The following LPP variants were observed in gnomAD, a reference collection of about 807,000 sequenced individuals.
LPP encodes LIM domain containing preferred translocation partner in lipoma, also known as lipoma-preferred partner.
LPP carries 38 observed loss-of-function variants against 60.4 expected under a neutral mutation model. The observed-to-expected ratio is 0.63, with a 90% confidence interval of 0.49 to 0.83. LPP has a LOEUF of 0.83. LPP is among the 40% of genes least tolerant of loss of function. LPP has a pLI of 0.00. For missense variants in LPP, 902 were observed against 783.6 expected (o/e 1.15, Z -1.80); for synonymous variants, 328 against 290.8 (o/e 1.13, Z -1.30).
At chr3:188,717,865 T>G (rs984864136) in intron 8 of LPP, among the ~76,000 whole-genome samples, 2 of 152,260 alleles carry the variant, frequency 1.3e-5, no homozygotes, top group Non-Finnish European at 1.5e-5. Context: ...TTGACCAGGC[T>G]GGAGTGCAAT....
intron 7 of LPP, among the ~76,000 whole-genome samples, chr3:188,655,265 C>T (rs1401368872): frequency 6.6e-6 from 1 of 151,980 alleles, no homozygotes; most frequent in African/African-American, 2.4e-5. Flanking sequence ...TAAAAAAGTG[C>T]CCAGAAGGGA....
rs1218020338 is a variant in LPP, at chr3:188,467,505, C to T, written c.194-17087C>T. On this transcript the variant is annotated intron_variant, in intron 4 of 11. Coordinates refer to ENST00000617246, the MANE Select transcript of LPP (RefSeq NM_001375462.1). ...GAATAATAGCCCTCAAAGTTGTCCACGTCTTAATCTCTGGAACATGTGAAT... is the reference window on the plus strand; with the variant it reads ...GAATAATAGCCCTCAAAGTTGTCCATGTCTTAATCTCTGGAACATGTGAAT... Among the ~76,000 whole-genome samples, 3 of 152,012 alleles carry T rather than the reference C, an allele frequency of 2.0e-5. No individual in the cohort carries two copies. In the South Asian group the frequency reaches 6.2e-4, roughly 31 times the overall value.
intron 3 of LPP, among the ~76,000 whole-genome samples, chr3:188,358,287 C>G (rs1007042196): frequency 6.6e-6 from 1 of 152,200 alleles, no homozygotes; most frequent in Admixed American, 6.5e-5. Flanking sequence ...AGCAGCTTCT[C>G]TCTTAACTAC....
intron 6 of LPP, among the ~76,000 whole-genome samples, chr3:188,528,112 G>A (rs1389090595): frequency 6.6e-6 from 1 of 152,148 alleles, no homozygotes; most frequent in Non-Finnish European, 1.5e-5. Flanking sequence ...CAGATAAAAT[G>A]TGAGCATAGA....
intron 7 of LPP, among the ~76,000 whole-genome samples, chr3:188,616,077 T>G (rs1844793038): frequency 6.6e-6 from 1 of 152,146 alleles, no homozygotes; most frequent in South Asian, 2.1e-4. Context: ...CAAAAGCTCT[T>G]TAGTTTAGTT....
intron 2 of LPP, among the ~76,000 whole-genome samples, chr3:188,290,092 C>T (rs1745430994): frequency 6.6e-6 from 1 of 152,024 alleles, no homozygotes; most frequent in Non-Finnish European, 1.5e-5. Context: ...CCTTCCTCAG[C>T]CTCCCGAGTA....
Position 188,559,617 on chromosome 3 carries a change from C to T in LPP, c.429+34830C>T, listed in dbSNP as rs763082119. On this transcript the variant is annotated intron_variant, in intron 6 of 11. Coordinates refer to ENST00000617246, the MANE Select transcript of LPP (RefSeq NM_001375462.1). ...GTAGAGTCAATAGTTTCACTCAAGG[C>T]AGGAAGACAAGACCTGATGTTAGCC... Among the ~76,000 whole-genome samples, 168 of 152,116 alleles carry T rather than the reference C, an allele frequency of 1.1e-3. 2 individuals carry two copies. The highest frequency in any genetic ancestry group is 1.7e-3 in the Non-Finnish European group (114 of 67,988).
chr3:188,181,136 C>T (rs142784921), intron 1 of LPP, among the ~76,000 whole-genome samples: 2 of 152,056 alleles, frequency 1.3e-5, no homozygotes, highest in East Asian at 3.9e-4. Flanking sequence ...GGGCGGATCA[C>T]GAGGTCAGGG....
chr3:188,508,828 A>T (rs1814338604), intron 5 of LPP, among the ~76,000 whole-genome samples: 2 of 152,218 alleles, frequency 1.3e-5, no homozygotes, highest in Admixed American at 1.3e-4. Flanking sequence ...TGGGATTTTA[A>T]TTAAATTGTT....
rs566021628 is a variant in LPP, at chr3:188,375,519, T to G, written c.-9-30593T>G. ...AAGAGGTGTTTGTAGTACTCTCTGATGGTAGTTTGTATTTCTGTGGGATTG... is the reference window on the plus strand; with the variant it reads ...AAGAGGTGTTTGTAGTACTCTCTGAGGGTAGTTTGTATTTCTGTGGGATTG... On this transcript the variant is annotated intron_variant, in intron 3 of 11. Transcript: ENST00000617246. Among the ~76,000 whole-genome samples the G allele has an allele frequency of 2.0e-5, 3 of 152,330 alleles. No homozygotes were observed. The South Asian group carries it at 6.2e-4, about 32-fold the overall frequency.
intron 9 of LPP, among the ~76,000 whole-genome samples, chr3:188,788,065 C>G (rs1474687819): frequency 6.6e-6 from 1 of 152,216 alleles, no homozygotes; most frequent in Non-Finnish European, 1.5e-5. Flanking sequence ...CAGGAGCTGG[C>G]CTGTATCCTT....
intron 9 of LPP, among the ~76,000 whole-genome samples, chr3:188,794,814 G>A (rs1744847550): frequency 1.3e-5 from 2 of 152,084 alleles, no homozygotes; most frequent in African/African-American, 4.8e-5. Context: ...AAACCATGGA[G>A]CAGTAGGAAT....
chr3:188,511,526 G>T (rs781484037), intron 5 of LPP, among the ~76,000 whole-genome samples: 8 of 151,818 alleles, frequency 5.3e-5, no homozygotes, highest in Non-Finnish European at 7.4e-5. Context: ...TATAATCTCT[G>T]CTTGGTGTTA....
At chr3:188,582,135 G>A (rs1437729852) in intron 6 of LPP, among the ~76,000 whole-genome samples, 1 of 139,534 alleles carries the variant, frequency 7.2e-6, no homozygotes, top group East Asian at 2.1e-4. Context: ...CTTGAATGTC[G>A]TTTTACCTTT....
At chr3:188,746,253 C>G (rs913201979) in intron 8 of LPP, among the ~76,000 whole-genome samples, 9 of 152,112 alleles carry the variant, frequency 5.9e-5, no homozygotes, top group Non-Finnish European at 1.2e-4. Flanking sequence ...TCTCTAGTCC[C>G]TTAATCATTT....
chr3:188,264,960 A>C (rs1352192805), intron 2 of LPP, among the ~76,000 whole-genome samples: 5 of 152,166 alleles, frequency 3.3e-5, no homozygotes, highest in Non-Finnish European at 7.4e-5. Context: ...TCTTAGATTT[A>C]TTTACCTGAT....
intron 4 of LPP, among the ~76,000 whole-genome samples, chr3:188,430,237 A>G (rs1790551531): frequency 6.6e-6 from 1 of 152,212 alleles, no homozygotes; most frequent in Admixed American, 6.5e-5. Flanking sequence ...ACTAGAGTTC[A>G]GAATGAGTAA....
chr3:188,868,357 G>A (rs1767202257), intron 10 of LPP, among the ~76,000 whole-genome samples: 1 of 152,258 alleles, frequency 6.6e-6, no homozygotes, highest in Non-Finnish European at 1.5e-5. Context: ...ATGTCTAGGG[G>A]TAGGGAGCAT....
chr3:188,252,239 A>AGATAGCAT (rs943083553), intron 2 of LPP, among the ~76,000 whole-genome samples: 3 of 142,694 alleles, frequency 2.1e-5, no homozygotes, highest in Non-Finnish European at 4.6e-5. Context: ...CTTACACAAA[A>AGATAGCAT]GATAGCATGT....
Sources: gnomAD v4.1 joint callset for allele counts (sites outside exome capture counted in the v4.1 genomes callset) on GRCh38, gnomAD v4.1.1 for gene constraint, MANE v1.5 for transcripts, NCBI Gene and HGNC (gene_info 2026-07-23, HGNC 2026-07-21) for gene names.